Variants in MROH7 observed in about 807,000 individuals in gnomAD.
MROH7 encodes the protein maestro heat like repeat family member 7.
In MROH7, 113 loss-of-function variants were observed where a neutral mutation model predicts 129.2. The ratio of observed to expected loss-of-function variants is 0.87; its 90% CI spans 0.75 to 1.02. The LOEUF is 1.02. MROH7 is among the 50% of genes least tolerant of loss of function. The probability of loss-of-function intolerance (pLI) is 0.00; values close to 1 mark genes in which losing one functional copy is unlikely to be tolerated. For missense variants in MROH7, 1,601 were observed against 1,671.3 expected, an observed-to-expected ratio of 0.96 and a Z score of 0.73; for synonymous variants, 655 against 667.9, an observed-to-expected ratio of 0.98 and a Z score of 0.30.
intron 1 of MROH7, among the ~76,000 whole-genome samples, chr1:54,644,659 G>T (rs2664066): frequency 6.6e-6 from 1 of 150,860 alleles, no homozygotes. Context: ...TCTTTCTTCT[G>T]TTTTTTAATG....
intron 5 of MROH7, 38 bp from the exon 6 acceptor site, chr1:54,670,459 C>A: frequency 6.3e-7 from 1 of 1,594,274 alleles, no homozygotes; most frequent in Non-Finnish European, 8.6e-7. Context: ...CCTGCAGTAG[C>A]CCTGTCCTCA....
At position 54,706,497 on chromosome 1, in the gene MROH7, C is replaced by A. The variant is rs372927834; in HGVS notation, c.3627C>A (p.Asn1209Lys). The A allele has an allele frequency of 3.1e-6, 5 of 1,613,546 alleles. No individual in the cohort carries two copies. Among genetic ancestry groups the A allele is most frequent in the Non-Finnish European group, 4.2e-6 (5 of 1,179,960 alleles). ...GCCAGAGCCTGGAGTATGCCAAGAA[C>A]TCACGGGCCTCCCTCCGGAAGTGCT... is the stretch of plus-strand genomic sequence containing the variant. ...FLSQSLEYAKNSRASLRKCSV... is the reference protein window; with the variant it reads ...FLSQSLEYAKKSRASLRKCSV... The change falls in exon 22 of 24, where the codon AAC (asparagine) becomes AAA (lysine). Residue 1209 changes from asparagine to lysine, a missense_variant. Physicochemically the swap from Asn to Lys is moderately conservative, Grantham distance 94. Transcript: ENST00000421030.
intron 17 of MROH7, chr1:54,699,441 C>T (rs1212532736): frequency 9.2e-5 from 14 of 152,104 alleles, no homozygotes; most frequent in African/African-American, 1.9e-4. Context: ...GTAGCTGGGG[C>T]GTGTGCCACC....
chr1:54,691,803 A>AGT (rs373106798), intron 15 of MROH7, among the ~76,000 whole-genome samples: 29,448 of 103,882 alleles, frequency 0.28, 4,766 homozygotes, highest in East Asian at 0.47. Context: ...AAAAAAAAAA[A>AGT]GTGTGTGTGT....
chr1:54,690,217 A>G (rs571862211), intron 15 of MROH7, among the ~76,000 whole-genome samples: 73 of 149,566 alleles, frequency 4.9e-4, no homozygotes, highest in African/African-American at 1.7e-3. Flanking sequence ...TTCACGAAGC[A>G]GCACGGGCGC....
intron 23 of MROH7, among the ~76,000 whole-genome samples, chr1:54,709,339 C>T (rs922423552): frequency 2.6e-5 from 4 of 152,210 alleles, no homozygotes; most frequent in Middle Eastern, 3.2e-3. Flanking sequence ...CTGCTTCAGC[C>T]TCGCAAGTAG....
At position 54,652,973 on chromosome 1, in the gene MROH7, A is replaced by G; in HGVS notation, c.47A>G (p.Lys16Arg). The change falls in exon 3 of 24, where the codon AAG (lysine) becomes AGG (arginine). Residue 16 changes from lysine to arginine, a missense_variant. Physicochemically the swap from Lys to Arg is conservative, Grantham distance 26. Coordinates refer to ENST00000421030, the MANE Select transcript of MROH7 (RefSeq NM_001039464.4). ...AACCTGGTCTTCCATGAAGACCCAA[A>G]GATGACACCAAGTCCCCCCTCCTGT... ...GANLVFHEDPKMTPSPPSCGA... is the reference protein window; with the variant it reads ...GANLVFHEDPRMTPSPPSCGA... The G allele has an allele frequency of 6.2e-7, 1 of 1,612,782 alleles. No individual in the cohort carries two copies. Among genetic ancestry groups the G allele is most frequent in the Non-Finnish European group, 8.5e-7 (1 of 1,179,450 alleles).
At chr1:54,694,722 A>G (rs1463526549) in intron 16 of MROH7, among the ~76,000 whole-genome samples, 1 of 152,128 alleles carries the variant, frequency 6.6e-6, no homozygotes, top group African/African-American at 2.4e-5. Flanking sequence ...TGCCCGTCTC[A>G]GCCTCCCAAA....
chr1:54,671,717 G>A (rs1644906888), intron 7 of MROH7, among the ~76,000 whole-genome samples: 2 of 152,196 alleles, frequency 1.3e-5, no homozygotes, highest in South Asian at 4.1e-4. Flanking sequence ...AGCGCAGGGT[G>A]CAGCACATTC....
chr1:54,697,728 G>C (rs1645345941), intron 17 of MROH7: 1 of 700,968 alleles, frequency 1.4e-6, no homozygotes, highest in Admixed American at 2.0e-5. Context: ...ACAGAGCTCA[G>C]AGAGTCCAGA....
chr1:54,661,434 A>G (rs565044219), intron 3 of MROH7, among the ~76,000 whole-genome samples: 5 of 152,020 alleles, frequency 3.3e-5, no homozygotes, highest in African/African-American at 1.2e-4. Flanking sequence ...CTGGTTTCGA[A>G]CTTCTGACCT....
At chr1:54,680,441 GTGGGTCT>G (rs1432871719) in intron 13 of MROH7, among the ~76,000 whole-genome samples, 2 of 152,210 alleles carry the variant, frequency 1.3e-5, no homozygotes, top group African/African-American at 4.8e-5. Flanking sequence ...CAGCTGCTGT[GTGGGTCT>G]TGGGTAGCCC....
chr1:54,658,585 G>A (rs1644683888), intron 3 of MROH7, among the ~76,000 whole-genome samples: 1 of 150,994 alleles, frequency 6.6e-6, no homozygotes, highest in African/African-American at 2.4e-5. Context: ...TATGTAAAGT[G>A]TGCTAGTCAT....
At position 54,670,484 on chromosome 1, in the gene MROH7, GC is replaced by G; in HGVS notation, c.1390-8del. On this transcript the variant is annotated splice_polypyrimidine_tract_variant and intron_variant, in intron 5 of 23. Coordinates refer to ENST00000421030, the MANE Select transcript of MROH7 (RefSeq NM_001039464.4). ...CCCTGTCCTCATCGGCCCTTCTGTG[GC>G]CCCCTGTCCAGAGGCAGATCCAGGA... The G allele has an allele frequency of 6.2e-7, 1 of 1,612,762 alleles. No homozygotes were observed. Among genetic ancestry groups the G allele is most frequent in the East Asian group, 2.2e-5 (1 of 44,832 alleles).
chr1:54,645,060 T>G (rs1644443966), intron 1 of MROH7, among the ~76,000 whole-genome samples: 1 of 152,060 alleles, frequency 6.6e-6, no homozygotes, highest in African/African-American at 2.4e-5. Flanking sequence ...TCTGCTTGCT[T>G]CGGCCTCCCA....
chr1:54,670,548 C>A lies in MROH7; in HGVS notation c.1441C>A (p.Gln481Lys). ...LDSLSSSVRK[Q>K]AMEILTQLSH... ...TTCTCTCTCAAGCTCCGTCCGCAAG[C>A]AGGCCATGGAGATCCTGACCCAGCT... Residue 481 changes from glutamine to lysine, a missense_variant, in exon 6 of 24, where the codon CAG becomes AAG. Coordinates refer to ENST00000421030, the MANE Select transcript of MROH7 (RefSeq NM_001039464.4). 2.5e-6 allele frequency: 4 copies of A among 1,613,824 alleles called. No homozygotes were observed. Among genetic ancestry groups the A allele is most frequent in the Non-Finnish European group, 3.4e-6 (4 of 1,179,884 alleles).
chr1:54,688,962 T>C (rs1001864610), intron 15 of MROH7, among the ~76,000 whole-genome samples: 4 of 152,062 alleles, frequency 2.6e-5, no homozygotes, highest in African/African-American at 4.8e-5. Flanking sequence ...CACCTCAGTG[T>C]CTCAGAAGCA....
chr1:54,706,442 C>T lies in MROH7; in HGVS notation c.3572C>T (p.Thr1191Ile), dbSNP rs775197078. The T allele has an allele frequency of 2.5e-6, 4 of 1,607,946 alleles. No homozygotes were observed. The Admixed American group carries it at 5.0e-5, about 20-fold the overall frequency. ...VAKICKCLVN[T>I]HRDSAFIFLS... ...GGTTTCTCTTTGTCCTAGGTGAACA[C>T]CCACCGAGACAGCGCCTTCATATTC... The change falls in exon 22 of 24, where the codon ACC (threonine) becomes ATC (isoleucine). Residue 1191 changes from threonine to isoleucine, a missense_variant. Thr to Ile is a moderately conservative substitution (Grantham distance 89). Coordinates refer to ENST00000421030, the MANE Select transcript of MROH7 (RefSeq NM_001039464.4).
At chr1:54,704,429 ATTTTTT>A (rs34380712) in intron 21 of MROH7, among the ~76,000 whole-genome samples, 1 of 112,280 alleles carries the variant, frequency 8.9e-6, no homozygotes, top group African/African-American at 3.6e-5. Context: ...CTAGAAACCT[ATTTTTT>A]TTTTTTTTTT....
Sources: gnomAD v4.1 joint callset for allele counts (sites outside exome capture counted in the v4.1 genomes callset) on GRCh38, gnomAD v4.1.1 for gene constraint, MANE v1.5 for transcripts, NCBI Gene and HGNC (gene_info 2026-07-23, HGNC 2026-07-21) for gene names.